The following PIK3C3 variants were observed in gnomAD, a reference collection of about 807,000 sequenced individuals.
PIK3C3 encodes the protein phosphatidylinositol 3-kinase catalytic subunit type 3, also known as PI3-kinase type 3.
PIK3C3 carries 95 observed loss-of-function variants against 126.1 expected under a neutral mutation model. The observed-to-expected ratio is 0.75, with a 90% CI of 0.64 to 0.89. The LOEUF (loss-of-function observed/expected upper bound fraction) is 0.89, where lower values mean the gene tolerates loss of function less well. PIK3C3 is among the 40% of genes least tolerant of loss of function. PIK3C3 has a pLI of 0.00. For synonymous variants in PIK3C3, 374 were observed against 360.0 expected (o/e 1.04, Z -0.44); for missense variants, 829 against 1,063.2 (o/e 0.78, Z 3.06).
intron 16 of PIK3C3, 33 bp downstream of exon 16, chr18:42,033,990 G>A (rs753217498): frequency 2.0e-6 from 3 of 1,485,322 alleles, no homozygotes; most frequent in Non-Finnish European, 2.7e-6. Flanking sequence ...GTGTATGATT[G>A]GAACCTAATT....
At chr18:41,967,079 T>C (rs923384390) in intron 3 of PIK3C3, among the ~76,000 whole-genome samples, 6 of 152,142 alleles carry the variant, frequency 3.9e-5, no homozygotes, top group Non-Finnish European at 8.8e-5. Flanking sequence ...CCTTGCCATG[T>C]GGGTGAGCTG....
At chr18:41,993,169 T>C (rs1981861032) in intron 6 of PIK3C3, 101 bp from the exon 7 acceptor site, 1 of 601,512 alleles carries the variant, frequency 1.7e-6, no homozygotes, top group East Asian at 2.9e-5. Context: ...GGAAGAATGA[T>C]GTTCATCAAA....
chr18:42,056,558 C>A (rs546151018), intron 21 of PIK3C3, among the ~76,000 whole-genome samples: 1 of 151,958 alleles, frequency 6.6e-6, no homozygotes, highest in South Asian at 2.1e-4. Flanking sequence ...TAAATAAAAC[C>A]AAGGAAAATG....
chr18:42,076,101 T>TATATATATATATATATATATATATGCAC (rs1568013395), intron 24 of PIK3C3, among the ~76,000 whole-genome samples: 3 of 72,874 alleles, frequency 4.1e-5, no homozygotes, highest in African/African-American at 2.2e-4. Flanking sequence ...TATATATATA[T>TATATATATATATATATATATATATGCAC]ATATATATAT....
intron 15 of PIK3C3, 30 bp downstream of exon 15, chr18:42,029,471 A>G (rs1189529515): frequency 8.2e-7 from 1 of 1,224,372 alleles, no homozygotes; most frequent in Non-Finnish European, 1.2e-6. Context: ...TTTTGTTCCT[A>G]ATAGCATCTT....
chr18:41,995,792 T>C, intron 7 of PIK3C3, 98 bp from the exon 8 acceptor site: 1 of 778,938 alleles, frequency 1.3e-6, no homozygotes, highest in African/African-American at 1.8e-5. Flanking sequence ...ACATTAGATA[T>C]TATTAAATGC....
At chr18:42,079,012 A>G (rs762554179) in intron 24 of PIK3C3, among the ~76,000 whole-genome samples, 7 of 152,184 alleles carry the variant, frequency 4.6e-5, no homozygotes, top group Non-Finnish European at 1.0e-4. Context: ...TTTTGCTCTC[A>G]TCATTCGTGT....
chr18:42,040,797 T>G (rs1984278551), intron 19 of PIK3C3, 56 bp downstream of exon 19: 1 of 1,171,484 alleles, frequency 8.5e-7, no homozygotes, highest in African/African-American at 1.5e-5. Flanking sequence ...CATAAAAAAT[T>G]CAGTCTTTAT....
rs540369955 is a variant in PIK3C3 at position 42,056,676 on chromosome 18, A to T, written c.2264-1207A>T. Among the ~76,000 whole-genome samples, 4 of 152,274 alleles carry T rather than the reference A, an allele frequency of 2.6e-5. No individual in the cohort carries two copies. In the East Asian group the frequency reaches 7.7e-4, roughly 29 times the overall value. On this transcript the variant is annotated intron_variant, in intron 21 of 24. Transcript: ENST00000262039. ...TATATGAGAACTTCAAAATGAGAAT[A>T]AAGTACCAAAAGAATTGCTTAGCTT... is the stretch of plus-strand genomic sequence containing the variant.
intron 6 of PIK3C3, among the ~76,000 whole-genome samples, chr18:41,991,783 C>T (rs1981791193): frequency 1.3e-5 from 2 of 152,076 alleles, no homozygotes; most frequent in South Asian, 4.2e-4. Context: ...CTTGTTTCTG[C>T]CTTTTATTTT....
intron 21 of PIK3C3, among the ~76,000 whole-genome samples, chr18:42,055,635 G>A (rs1985029432): frequency 6.6e-6 from 1 of 152,024 alleles, no homozygotes; most frequent in Admixed American, 6.6e-5. Context: ...GGATGTCAGG[G>A]AAGAATTTTT....
At chr18:42,043,016 T>C (rs1367939140) in intron 19 of PIK3C3, among the ~76,000 whole-genome samples, 1 of 152,208 alleles carries the variant, frequency 6.6e-6, no homozygotes, top group Non-Finnish European at 1.5e-5. Context: ...TATTGATTTA[T>C]AGGAGTTTTT....
In PIK3C3 at chr18:41,955,272, G is replaced by C; in HGVS notation, c.-20G>C. ...TGTACCTAAGTTCCCGCTGTAGGTGGTACCTTTGCAGACGGTGCGATGGGG... is the reference window on the plus strand; with the variant it reads ...TGTACCTAAGTTCCCGCTGTAGGTGCTACCTTTGCAGACGGTGCGATGGGG... On this transcript the variant is annotated 5_prime_UTR_variant, in exon 1 of 25. Coordinates refer to ENST00000262039, the MANE Select transcript of PIK3C3 (RefSeq NM_002647.4). The C allele has an allele frequency of 6.2e-7, 1 of 1,608,270 alleles. No homozygotes were observed.
At chr18:41,995,602 T>TAA (rs953606666) in intron 7 of PIK3C3, among the ~76,000 whole-genome samples, 1 of 152,152 alleles carries the variant, frequency 6.6e-6, no homozygotes, top group Non-Finnish European at 1.5e-5. Flanking sequence ...GATATTTGAT[T>TAA]GGTTAGAGGA....
chr18:42,030,841 G>C (rs1215612295), intron 15 of PIK3C3, among the ~76,000 whole-genome samples: 1 of 152,130 alleles, frequency 6.6e-6, no homozygotes, highest in Non-Finnish European at 1.5e-5. Context: ...AAAGCAGTTT[G>C]TTTTAGTGCC....
Position 41,970,520 on chromosome 18 carries a change from T to TATGTCATATGAACATA in PIK3C3, c.531+64_531+65insATGTCATATGAACATA, listed in dbSNP as rs760009943. Reference sequence around the variant, plus strand: ...TGATGTCTATTGTAGTATATATACCTTGACATTATGAACTCTGTCAGATTT... The same window carrying TATGTCATATGAACATA: ...TGATGTCTATTGTAGTATATATACCTATGTCATATGAACATATGACATTATGAACTCTGTCAGATTT... On this transcript the variant is annotated intron_variant, in intron 4 of 24. Transcript: ENST00000262039. 2.9e-6 allele frequency: 4 copies of TATGTCATATGAACATA among 1,381,914 alleles called. No homozygotes were observed. The South Asian group carries it at 4.7e-5, about 16-fold the overall frequency. The allele number at this position is 1,381,914 out of a possible 1,614,324, so 85.6% of individuals were successfully genotyped here. A position where few individuals can be genotyped will look rare whatever the true frequency, so the allele number is the denominator to read the frequency against.
intron 4 of PIK3C3, among the ~76,000 whole-genome samples, chr18:41,973,769 C>A (rs1422991648): frequency 1.3e-5 from 2 of 152,046 alleles, no homozygotes; most frequent in African/African-American, 2.4e-5. Flanking sequence ...CCTCCTGCTT[C>A]CATTTTCATA....
chr18:42,051,566 G>T (rs779042903), intron 21 of PIK3C3, among the ~76,000 whole-genome samples: 37 of 152,144 alleles, frequency 2.4e-4, no homozygotes, highest in Non-Finnish European at 4.3e-4. Flanking sequence ...GTTAGAACTT[G>T]CATGGGTGAT....
chr18:41,962,444 T>C (rs201439788), intron 2 of PIK3C3, 45 bp from the exon 3 acceptor site: 3 of 498,186 alleles, frequency 6.0e-6, no homozygotes, highest in Non-Finnish European at 7.3e-6. Context: ...AAAAGAAAGA[T>C]ATATATATAT....
Sources: allele counts gnomAD v4.1 joint callset (sites outside exome capture counted in the v4.1 genomes callset), GRCh38; gene constraint gnomAD v4.1.1; transcripts MANE v1.5; gene names NCBI Gene and HGNC (gene_info 2026-07-23, HGNC 2026-07-21).